The following SPTBN1 variants were observed in gnomAD, a reference collection of about 807,000 sequenced individuals.
SPTBN1 encodes spectrin beta, non-erythrocytic 1, also known as spectrin beta chain, non-erythrocytic 1.
SPTBN1 carries 32 observed loss-of-function variants against 266.4 expected under a neutral mutation model. The observed-to-expected ratio is 0.12, with a 90% CI of 0.09 to 0.16. SPTBN1 has a LOEUF of 0.16. SPTBN1 is among the 10% of genes least tolerant of loss of function. SPTBN1 has a pLI of 1.00. For synonymous variants in SPTBN1, 1,336 were observed against 1,162.2 expected, an observed-to-expected ratio of 1.15 and a Z score of -3.04; for missense variants, 2,296 against 3,067.1, an observed-to-expected ratio of 0.75 and a Z score of 5.94.
At chr2:54,638,465 C>G (rs545639241) in intron 18 of SPTBN1, among the ~76,000 whole-genome samples, 7 of 152,326 alleles carry the variant, frequency 4.6e-5, no homozygotes, top group Admixed American at 1.3e-4. Flanking sequence ...ATCTAACATG[C>G]AAAGAGCAGT....
intron 2 of SPTBN1, among the ~76,000 whole-genome samples, chr2:54,592,396 T>TA (rs1343826025): frequency 1.3e-5 from 2 of 148,468 alleles, no homozygotes; most frequent in African/African-American, 5.0e-5. Flanking sequence ...TTCTTTTTTT[T>TA]TATCTGAGAC....
At chr2:54,574,466 GA>G (rs774983912) in intron 2 of SPTBN1, among the ~76,000 whole-genome samples, 3 of 152,180 alleles carry the variant, frequency 2.0e-5, no homozygotes, top group Non-Finnish European at 2.9e-5. Flanking sequence ...AGTCTGTTTT[GA>G]AACAACTTCC....
rs983851924 is a variant in SPTBN1, at chr2:54,577,209, G to T, written c.149-21883G>T. Among the ~76,000 whole-genome samples the T allele has an allele frequency of 2.0e-5, 3 of 152,216 alleles. No homozygotes were observed. In the East Asian group the frequency reaches 5.8e-4, roughly 29 times the overall value. ...GTTGGTTAAATGACCTTGGACAAGT[G>T]ACTTGCATTTCAGTTCTCTAACCTG... On this transcript the variant is annotated intron_variant, in intron 2 of 35. Transcript: ENST00000356805.
intron 2 of SPTBN1, among the ~76,000 whole-genome samples, chr2:54,592,843 C>G (rs1030533574): frequency 6.6e-6 from 1 of 152,138 alleles, no homozygotes; most frequent in Non-Finnish European, 1.5e-5. Flanking sequence ...GAGAAAGAGC[C>G]GAGGACCTCA....
chr2:54,469,589 C>T (rs756861324), intron 1 of SPTBN1, among the ~76,000 whole-genome samples: 11 of 152,144 alleles, frequency 7.2e-5, no homozygotes, highest in Non-Finnish European at 1.6e-4. Flanking sequence ...GTAGGAGTCT[C>T]AACTTGATCT....
intron 11 of SPTBN1, 100 bp downstream of exon 11, chr2:54,625,062 A>C (rs1262350080): frequency 7.1e-7 from 1 of 1,400,338 alleles, no homozygotes; most frequent in Admixed American, 2.7e-5. Context: ...GCTTATCGAC[A>C]TTCATTATTC....
At chr2:54,660,469 A>T in intron 32 of SPTBN1, 1 of 994,584 alleles carries the variant, frequency 1.0e-6, no homozygotes, top group Non-Finnish European at 1.2e-6. Flanking sequence ...GCCTTTACAG[A>T]TGTTATTAAC....
chr2:54,526,635 C>A (rs1670832253), intron 2 of SPTBN1, 69 bp downstream of exon 2: 1 of 1,530,432 alleles, frequency 6.5e-7, no homozygotes, highest in South Asian at 1.3e-5. Flanking sequence ...AAATCATCCA[C>A]CCTGTTCCCA....
chr2:54,490,713 G>C (rs1012225621), intron 1 of SPTBN1, among the ~76,000 whole-genome samples: 1 of 152,222 alleles, frequency 6.6e-6, no homozygotes, highest in African/African-American at 2.4e-5. Flanking sequence ...GTAGATGCCA[G>C]ATGGGAGGGA....
intron 1 of SPTBN1, among the ~76,000 whole-genome samples, chr2:54,516,747 G>A (rs957395673): frequency 3.9e-5 from 6 of 152,178 alleles, no homozygotes; most frequent in South Asian, 4.1e-4. Context: ...AGTTTATTTT[G>A]TCAAGGTTAG....
rs775249897 is a variant in SPTBN1 at position 54,599,216 on chromosome 2, G to T, written c.273G>T (p.Leu91=). The T allele has an allele frequency of 6.2e-7, 1 of 1,614,096 alleles. No homozygotes were observed. The highest frequency in any genetic ancestry group is 1.7e-5 in the Admixed American group (1 of 60,004). Residue 91 remains leucine (L), a synonymous_variant, in exon 3 of 36, where the codon CTG becomes CTT. Coordinates refer to ENST00000356805, the MANE Select transcript of SPTBN1 (RefSeq NM_003128.3). ...DLRDGRMLIK[L]LEVLSGERLP... ...GAGATGGACGGATGCTCATCAAGCT[G>T]CTGGAGGTCCTCTCTGGAGAGAGGC...
rs1558838161 is a variant in SPTBN1 at position 54,558,833 on chromosome 2, G to C, written c.148+32267G>C. 6.2e-7 allele frequency: 1 copy of C among 1,613,924 alleles called. No homozygotes were observed. Among genetic ancestry groups the C allele is most frequent in the South Asian group, 1.1e-5 (1 of 91,064 alleles). On this transcript the variant is annotated intron_variant, in intron 2 of 35. Coordinates refer to ENST00000356805, the MANE Select transcript of SPTBN1 (RefSeq NM_003128.3). The surrounding 1 kb of genome is among the most constrained non-coding windows in gnomAD (Gnocchi z 4.6). ...CGGGCCGCTGTCGCCGGCGTACACGGGGCAGGTGCCTTACAACTACAACCA... is the reference window on the plus strand; with the variant it reads ...CGGGCCGCTGTCGCCGGCGTACACGCGGCAGGTGCCTTACAACTACAACCA...
chr2:54,497,086 C>T (rs28698551), intron 1 of SPTBN1, among the ~76,000 whole-genome samples: 6,910 of 152,204 alleles, frequency 0.045, 234 homozygotes, highest in African/African-American at 0.084. Flanking sequence ...CATGAAGATA[C>T]GAAATCTGCT....
At chr2:54,517,606 T>G (rs188691194) in intron 1 of SPTBN1, among the ~76,000 whole-genome samples, 27 of 152,136 alleles carry the variant, frequency 1.8e-4, no homozygotes, top group Non-Finnish European at 3.2e-4. Context: ...GATCTGATTT[T>G]GTGAATTTTG....
rs181084296 is a variant in SPTBN1, at chr2:54,544,831, G to A, written c.148+18265G>A. ...TAGGGTACATGTGTACAACATGCAGGTTTGTTACATAGGTATACATGTGCC... is the reference window on the plus strand; with the variant it reads ...TAGGGTACATGTGTACAACATGCAGATTTGTTACATAGGTATACATGTGCC... On this transcript the variant is annotated intron_variant, in intron 2 of 35. Coordinates refer to ENST00000356805, the MANE Select transcript of SPTBN1 (RefSeq NM_003128.3). Among the ~76,000 whole-genome samples the A allele has an allele frequency of 7.2e-5, 11 of 152,030 alleles. No homozygotes were observed. In the East Asian group the frequency reaches 1.9e-3, roughly 27 times the overall value.
rs567471771 is a variant in SPTBN1 at position 54,579,104 on chromosome 2, C to T, written c.149-19988C>T. Among the ~76,000 whole-genome samples, 16 of 152,208 alleles carry T rather than the reference C, an allele frequency of 1.1e-4. No individual in the cohort carries two copies. The East Asian group carries it at 1.5e-3, about 15-fold the overall frequency. On this transcript the variant is annotated intron_variant, in intron 2 of 35. Coordinates refer to ENST00000356805, the MANE Select transcript of SPTBN1 (RefSeq NM_003128.3). ...TGACAAAACTACAATTACTTCTGCA[C>T]CAACCTAATATATATTATATATTCC...
At chr2:54,568,639 A>G (rs908661422) in intron 2 of SPTBN1, among the ~76,000 whole-genome samples, 1 of 152,158 alleles carries the variant, frequency 6.6e-6, no homozygotes, top group Admixed American at 6.5e-5. Flanking sequence ...GGATTTTCCT[A>G]TTTGCTAGTC....
rs948753855 is a variant in SPTBN1 at position 54,592,092 on chromosome 2, A to G, written c.149-7000A>G. Among the ~76,000 whole-genome samples the G allele has an allele frequency of 2.0e-5, 3 of 152,208 alleles. No homozygotes were observed. In the East Asian group the frequency reaches 5.8e-4, roughly 29 times the overall value. On this transcript the variant is annotated intron_variant, in intron 2 of 35. Coordinates refer to ENST00000356805, the MANE Select transcript of SPTBN1 (RefSeq NM_003128.3). ...TGAGGTGGGAAGATTGCTTCAGCCCAGGAGTCCAAAATTACAGTGAGCTGT... is the reference window on the plus strand; with the variant it reads ...TGAGGTGGGAAGATTGCTTCAGCCCGGGAGTCCAAAATTACAGTGAGCTGT...
chr2:54,563,593 CTTTTTTTTTTTTTTTTTT>C (rs750173696), intron 2 of SPTBN1, among the ~76,000 whole-genome samples: 1 of 64,442 alleles, frequency 1.6e-5, no homozygotes, highest in East Asian at 5.9e-4. Flanking sequence ...AAAATTTATT[CTTTTTTTTTTTTTTTTTT>C]TTTTTTTTTT....
Sources: gnomAD v4.1 joint callset for allele counts (sites outside exome capture counted in the v4.1 genomes callset) on GRCh38, gnomAD v4.1.1 for gene constraint, Gnocchi (gnomAD v3.1) non-coding constraint, MANE v1.5 for transcripts, NCBI Gene and HGNC (gene_info 2026-07-23, HGNC 2026-07-21) for gene names.